HNRNPA1L2: variants seen among roughly 807,000 people sequenced by gnomAD.
HNRNPA1L2 encodes the protein heterogeneous nuclear ribonucleoprotein A1 like 2, also known as heterogeneous nuclear ribonucleoprotein A1-like 2.
In HNRNPA1L2, 10 loss-of-function variants were observed where a neutral mutation model predicts 18.2. The observed-to-expected ratio is 0.55, with a 90% confidence interval of 0.34 to 0.93. HNRNPA1L2 has a LOEUF of 0.93. Ranked by LOEUF, HNRNPA1L2 falls within the 40% of genes least tolerant of loss-of-function variation. HNRNPA1L2 has a pLI of 0.02. For synonymous variants in HNRNPA1L2, 124 were observed against 138.6 expected (o/e 0.89, Z 0.74); for missense variants, 308 against 394.4 (o/e 0.78, Z 1.85).
chr13:52,642,215 A>G, upstream of HNRNPA1L2: 1 of 466,712 alleles, frequency 2.1e-6, no homozygotes, highest in Non-Finnish European at 3.8e-6. Flanking sequence ...ACCACAAATG[A>G]CTTAGTCATG....
chr13:52,643,534 C>T lies in HNRNPA1L2; in HGVS notation c.*79C>T. The stretch of plus-strand genomic sequence containing the variant: ...ACAGGTTACAACAGATTTGTGAACT[C>T]AGCCAAGCACAGTGGTGGCAGGGCC... On this transcript the variant is annotated 3_prime_UTR_variant, in exon 1 of 1. Transcript: ENST00000357495. 4 of 1,184,214 alleles carry T rather than the reference C, an allele frequency of 3.4e-6. No individual in the cohort carries two copies. Among genetic ancestry groups the T allele is most frequent in the Non-Finnish European group, 4.9e-6 (4 of 814,690 alleles). The allele number at this position is 1,184,214 out of a possible 1,614,324, so 73.4% of individuals were successfully genotyped here. A position where few individuals can be genotyped will look rare whatever the true frequency, so the allele number is the denominator to read the frequency against.
the HNRNPA1L2 span, among the ~76,000 whole-genome samples, chr13:52,624,174 G>A: frequency 6.6e-6 from 1 of 152,178 alleles, no homozygotes; most frequent in Non-Finnish European, 1.5e-5. Flanking sequence ...GAGTGCAGTG[G>A]CGCGGTCTTG....
chr13:52,624,914 G>A, the HNRNPA1L2 span, among the ~76,000 whole-genome samples: 9 of 151,858 alleles, frequency 5.9e-5, no homozygotes, highest in African/African-American at 1.5e-4. Context: ...GACTGTAATC[G>A]CAGTTACTCG....
the HNRNPA1L2 span, chr13:52,627,673 T>TTC: frequency 6.6e-6 from 1 of 152,298 alleles, no homozygotes; most frequent in Non-Finnish European, 1.5e-5. Flanking sequence ...ATATACCACA[T>TTC]AAGTGGAATT....
chr13:52,636,843 A>T, the HNRNPA1L2 span, among the ~76,000 whole-genome samples: 1 of 151,912 alleles, frequency 6.6e-6, no homozygotes, highest in Non-Finnish European at 1.5e-5. Flanking sequence ...TTATTTATTT[A>T]TTTTTTGAGA....
At chr13:52,631,998 T>C in the HNRNPA1L2 span, among the ~76,000 whole-genome samples, 1 of 152,128 alleles carries the variant, frequency 6.6e-6, no homozygotes, top group Admixed American at 6.6e-5. Flanking sequence ...GTTGACTCTT[T>C]TTAACAGCTT....
At chr13:52,617,591 C>T in the HNRNPA1L2 span, 1 of 464,018 alleles carries the variant, frequency 2.2e-6, no homozygotes, top group Non-Finnish European at 3.9e-6. Context: ...TCTACCTCTT[C>T]GCACCCTTTC....
the HNRNPA1L2 span, among the ~76,000 whole-genome samples, chr13:52,625,805 T>A: frequency 6.6e-6 from 1 of 152,214 alleles, no homozygotes; most frequent in Non-Finnish European, 1.5e-5. Flanking sequence ...TGAGACAGGG[T>A]GTTGCTCTGT....
upstream of HNRNPA1L2, chr13:52,642,163 C>T: frequency 3.0e-6 from 1 of 337,210 alleles, no homozygotes. Flanking sequence ...ATATGGCCAA[C>T]AATGTGGGGT....
chr13:52,635,575 A>AACACACACACAC, the HNRNPA1L2 span, among the ~76,000 whole-genome samples: 2 of 143,284 alleles, frequency 1.4e-5, no homozygotes, highest in Non-Finnish European at 3.0e-5. Flanking sequence ...GTCCTTTTGC[A>AACACACACACAC]ACACACACAC....
upstream of HNRNPA1L2, among the ~76,000 whole-genome samples, chr13:52,637,659 C>G (rs1181561571): frequency 6.6e-6 from 1 of 152,086 alleles, no homozygotes. Flanking sequence ...TTTCTTAGCT[C>G]TAACGGCGAT....
the HNRNPA1L2 span, among the ~76,000 whole-genome samples, chr13:52,623,139 A>G: frequency 6.6e-6 from 1 of 152,222 alleles, no homozygotes; most frequent in Admixed American, 6.5e-5. Context: ...CTCTTTAGAA[A>G]CAAAACAGTT....
the HNRNPA1L2 span, among the ~76,000 whole-genome samples, chr13:52,621,043 T>C: frequency 6.6e-6 from 1 of 152,206 alleles, no homozygotes; most frequent in Admixed American, 6.5e-5. Flanking sequence ...TAATGAATGA[T>C]TTTTAAATAT....
chr13:52,642,185 A>G, upstream of HNRNPA1L2: 1 of 394,526 alleles, frequency 2.5e-6, no homozygotes. Flanking sequence ...GGTGATCCCA[A>G]CAATGTGGGA....
At chr13:52,617,698 A>G in the HNRNPA1L2 span, 1 of 441,442 alleles carries the variant, frequency 2.3e-6, no homozygotes, top group Non-Finnish European at 4.1e-6. Flanking sequence ...GCAGTTCAGC[A>G]CTTTTGGCTC....
At chr13:52,621,855 G>A in the HNRNPA1L2 span, 1 of 151,796 alleles carries the variant, frequency 6.6e-6, no homozygotes, top group African/African-American at 2.4e-5. Context: ...GTAAGTTGCT[G>A]CTGCTATGGT....
the HNRNPA1L2 span, among the ~76,000 whole-genome samples, chr13:52,631,033 T>G: frequency 6.6e-6 from 1 of 152,314 alleles, no homozygotes; most frequent in East Asian, 1.9e-4. Context: ...AAGGGGTTCC[T>G]GTGCCTTCAG....
upstream of HNRNPA1L2, among the ~76,000 whole-genome samples, chr13:52,639,305 C>T (rs1016376035): frequency 3.9e-5 from 6 of 152,092 alleles, no homozygotes; most frequent in African/African-American, 7.2e-5. Context: ...GTTCTGAGTA[C>T]GTTTAAGGTA....
chr13:52,628,646 G>A, the HNRNPA1L2 span, among the ~76,000 whole-genome samples: 1 of 151,108 alleles, frequency 6.6e-6, no homozygotes. Context: ...AATTTTTCAT[G>A]TGACACTTTT....
Sources: gnomAD v4.1 joint callset for allele counts (sites outside exome capture counted in the v4.1 genomes callset) on GRCh38, gnomAD v4.1.1 for gene constraint, MANE v1.5 for transcripts, NCBI Gene and HGNC (gene_info 2026-07-23, HGNC 2026-07-21) for gene names.